The following RHOBTB2 variants were observed in gnomAD, a reference collection of about 807,000 sequenced individuals.
The protein encoded by RHOBTB2 is rho-related BTB domain-containing protein 2.
A neutral mutation model predicts 66.5 loss-of-function variants in RHOBTB2; 39 were observed. That is an observed-to-expected ratio of 0.59 (90% CI 0.45 to 0.77). The LOEUF (loss-of-function observed/expected upper bound fraction) is 0.77, where lower values mean the gene tolerates loss of function less well. RHOBTB2 is among the 30% of genes least tolerant of loss of function. The probability of loss-of-function intolerance (pLI) is 0.00; values close to 1 mark genes in which losing one functional copy is unlikely to be tolerated. For synonymous variants in RHOBTB2, 390 were observed against 395.0 expected, an observed-to-expected ratio of 0.99 and a Z score of 0.15; for missense variants, 755 against 999.1, an observed-to-expected ratio of 0.76 and a Z score of 3.29.
At chr8:22,974,044 C>T in the RHOBTB2 span, among the ~76,000 whole-genome samples, 5 of 152,158 alleles carry the variant, frequency 3.3e-5, no homozygotes, top group East Asian at 3.9e-4. Flanking sequence ...TAGGTATGCA[C>T]GACCAGCTCC....
the RHOBTB2 span, among the ~76,000 whole-genome samples, chr8:22,968,330 A>G: frequency 4.6e-5 from 7 of 152,160 alleles, no homozygotes; most frequent in Admixed American, 4.6e-4. Context: ...GGAGAAAGTG[A>G]TTAAATTTAA....
upstream of RHOBTB2, chr8:22,999,288 CGCCTCCCGAAGGAAA>C (rs1810678792): frequency 6.3e-6 from 1 of 159,798 alleles, no homozygotes; most frequent in Admixed American, 6.5e-5. Context: ...GGTTCTCCCC[CGCCTCCCGAAGGAAA>C]GGGGAAAACC....
Position 23,019,498 on chromosome 8 carries a change from G to T in RHOBTB2, c.*2029G>T, listed in dbSNP as rs1214944592. The T allele has an allele frequency of 6.5e-6, 1 of 152,684 alleles. No individual in the cohort carries two copies. The highest frequency in any genetic ancestry group is 1.9e-4 in the East Asian group (1 of 5,184). The allele number at this position is 152,684 out of a possible 1,614,324, so 9.5% of individuals were successfully genotyped here. Reference sequence around the variant, plus strand: ...CATGGGCAGGGCTGGGGGGACGAAGGGGGAACCCGGAGCACCTCCACTTCT... The same window carrying T: ...CATGGGCAGGGCTGGGGGGACGAAGTGGGAACCCGGAGCACCTCCACTTCT... On this transcript the variant is annotated 3_prime_UTR_variant, in exon 10 of 10. Coordinates refer to ENST00000251822, the MANE Select transcript of RHOBTB2 (RefSeq NM_015178.3).
chr8:22,995,377 T>C (rs1055405865), upstream of RHOBTB2, among the ~76,000 whole-genome samples: 2 of 152,108 alleles, frequency 1.3e-5, no homozygotes, highest in Non-Finnish European at 2.9e-5. Flanking sequence ...AAGAACCCAA[T>C]GATAGATTGG....
At chr8:23,001,847 T>A (rs1246093688) in intron 1 of RHOBTB2, among the ~76,000 whole-genome samples, 1 of 152,102 alleles carries the variant, frequency 6.6e-6, no homozygotes, top group Non-Finnish European at 1.5e-5. Flanking sequence ...CTGAAGGGGC[T>A]GGGGAATGGA....
chr8:23,007,815 C>T, intron 5 of RHOBTB2, 69 bp downstream of exon 5: 1 of 1,568,290 alleles, frequency 6.4e-7, no homozygotes, highest in Non-Finnish European at 8.7e-7. Flanking sequence ...TCTGTCTCAG[C>T]TCCTGGTGTC....
chr8:23,017,095 G>A lies in RHOBTB2; in HGVS notation c.1967-157G>A, dbSNP rs1811313116. ...TTCAGCCCTGCTCTTTGGGAACTTT[G>A]CTTGCCTCGGAGGCTCATGTGCCGT... On this transcript the variant is annotated intron_variant, in intron 9 of 9. Transcript: ENST00000251822. This position sits in a 1 kb window ranked among gnomAD's most constrained non-coding sequence, Gnocchi z 5.3. Among the ~76,000 whole-genome samples the A allele has an allele frequency of 1.3e-5, 2 of 152,152 alleles. No individual in the cohort carries two copies. The highest frequency in any genetic ancestry group is 4.1e-4 in the South Asian group (2 of 4,828).
chr8:22,998,214 C>A (rs1238910092), upstream of RHOBTB2, among the ~76,000 whole-genome samples: 2 of 152,208 alleles, frequency 1.3e-5, no homozygotes, highest in Non-Finnish European at 2.9e-5. Flanking sequence ...TCAGACAACA[C>A]AAAATTCATT....
At chr8:22,962,482 G>T in the RHOBTB2 span, among the ~76,000 whole-genome samples, 1 of 152,140 alleles carries the variant, frequency 6.6e-6, no homozygotes, top group Non-Finnish European at 1.5e-5. Flanking sequence ...ACAAGAAGAT[G>T]TTGCTAAACT....
chr8:22,958,686 G>A, the RHOBTB2 span, among the ~76,000 whole-genome samples: 3 of 149,824 alleles, frequency 2.0e-5, no homozygotes, highest in East Asian at 2.0e-4. Flanking sequence ...CTGTGGTTCC[G>A]GCTACATGGG....
intron 8 of RHOBTB2, 77 bp downstream of exon 8, chr8:23,014,855 G>T: frequency 8.7e-7 from 1 of 1,155,866 alleles, no homozygotes; most frequent in Non-Finnish European, 1.3e-6. Context: ...AATGGGAAGG[G>T]GTGGAAGATG....
At chr8:23,012,041 G>C (rs1811164458) in intron 7 of RHOBTB2, among the ~76,000 whole-genome samples, 1 of 152,188 alleles carries the variant, frequency 6.6e-6, no homozygotes, top group Non-Finnish European at 1.5e-5. Flanking sequence ...GGGATAAAGG[G>C]AACTTTGGGG....
At chr8:22,998,795 A>C (rs1810654211), upstream of RHOBTB2, 1 of 149,874 alleles carries the variant, frequency 6.7e-6, no homozygotes, top group Non-Finnish European at 1.5e-5. Context: ...TCTTCTAGGG[A>C]CCCCTCAGGT....
rs2128808132 is a variant in RHOBTB2 at position 23,015,709 on chromosome 8, C to CT, written c.1932_1933insT (p.Lys645Ter). 6.2e-7 allele frequency: 1 copy of CT among 1,614,022 alleles called. No homozygotes were observed. Among genetic ancestry groups the CT allele is most frequent in the Admixed American group, 1.7e-5 (1 of 60,020 alleles). The stretch of plus-strand genomic sequence containing the variant: ...GCACCAACTACAACAACGTGTGCCG[C>CT]AAGTTCCCCCGAGACATGAAGGCCA... On this transcript the variant is annotated frameshift_variant, in exon 9 of 10. Coordinates refer to ENST00000251822, the MANE Select transcript of RHOBTB2 (RefSeq NM_015178.3). LOFTEE classifies it high-confidence loss of function.
the RHOBTB2 span, among the ~76,000 whole-genome samples, chr8:22,972,375 CA>C: frequency 1.3e-5 from 2 of 152,196 alleles, no homozygotes; most frequent in African/African-American, 4.8e-5. Flanking sequence ...AAATGGTCCA[CA>C]AAGTCAAAAG....
At chr8:23,001,865 G>T (rs895578172) in intron 1 of RHOBTB2, among the ~76,000 whole-genome samples, 2 of 152,236 alleles carry the variant, frequency 1.3e-5, no homozygotes, top group African/African-American at 4.8e-5. Context: ...GGATGGAAGG[G>T]GTTGCGCAAC....
upstream of RHOBTB2, among the ~76,000 whole-genome samples, chr8:22,986,683 G>A (rs1276558838): frequency 6.6e-6 from 1 of 152,136 alleles, no homozygotes; most frequent in Non-Finnish European, 1.5e-5. Flanking sequence ...GGAGTGACAT[G>A]GAGGCATGAT....
chr8:23,014,890 G>A (rs931468543), intron 8 of RHOBTB2, 112 bp downstream of exon 8: 30 of 843,502 alleles, frequency 3.6e-5, no homozygotes, highest in East Asian at 2.7e-5. Flanking sequence ...ACCTGTCATC[G>A]GACTGGGCTC....
upstream of RHOBTB2, among the ~76,000 whole-genome samples, chr8:22,983,153 C>T (rs1245019850): frequency 6.6e-6 from 1 of 152,146 alleles, no homozygotes; most frequent in East Asian, 1.9e-4. Context: ...CAATTACTGA[C>T]ACAGGCACTG....
Sources: gnomAD v4.1 joint callset for allele counts (sites outside exome capture counted in the v4.1 genomes callset) on GRCh38, gnomAD v4.1.1 for gene constraint, Gnocchi (gnomAD v3.1) non-coding constraint, MANE v1.5 for transcripts, NCBI Gene and HGNC (gene_info 2026-07-23, HGNC 2026-07-21) for gene names.